The following NALF1 variants were observed in gnomAD, a reference collection of about 807,000 sequenced individuals.
The protein encoded by NALF1 is family with sequence similarity 155 member A.
In NALF1, 3 loss-of-function variants were observed where a neutral mutation model predicts 48.4. That is an observed-to-expected ratio of 0.06 (90% CI 0.03 to 0.16). The LOEUF (loss-of-function observed/expected upper bound fraction) is 0.16. NALF1 is among the 10% of genes least tolerant of loss of function. The probability of loss-of-function intolerance (pLI) is 1.00; values close to 1 mark genes in which losing one functional copy is unlikely to be tolerated. For missense variants in NALF1, 526 were observed against 571.5 expected (o/e 0.92, Z 0.81); for synonymous variants, 262 against 245.7 (o/e 1.07, Z -0.62).
At chr13:107,227,049 C>A (rs1008586181) in intron 1 of NALF1, among the ~76,000 whole-genome samples, 1 of 152,166 alleles carries the variant, frequency 6.6e-6, no homozygotes, top group Admixed American at 6.5e-5. Context: ...TTTCTTTTGA[C>A]AAAACAGAAG....
chr13:107,829,712 G>C (rs1243987279), intron 1 of NALF1, among the ~76,000 whole-genome samples: 1 of 152,108 alleles, frequency 6.6e-6, no homozygotes, highest in Non-Finnish European at 1.5e-5. Context: ...TGAAAATTCT[G>C]CTGCTCCATA....
chr13:107,428,320 T>C (rs1010389857), intron 1 of NALF1, among the ~76,000 whole-genome samples: 12 of 152,182 alleles, frequency 7.9e-5, no homozygotes, highest in South Asian at 2.1e-4. Context: ...GCACTGCTGC[T>C]GTAAACAACT....
At chr13:107,448,797 G>T (rs74813221) in intron 1 of NALF1, among the ~76,000 whole-genome samples, 2,642 of 152,254 alleles carry the variant, frequency 0.017, 32 homozygotes, top group Non-Finnish European at 0.027. Context: ...CGAGTCCCAA[G>T]GACACAGAAT....
At chr13:107,745,759 T>C (rs1357509538) in intron 1 of NALF1, among the ~76,000 whole-genome samples, 1 of 152,170 alleles carries the variant, frequency 6.6e-6, no homozygotes, top group African/African-American at 2.4e-5. Context: ...CCGCATGTTG[T>C]GGAAGGGACC....
At chr13:107,452,218 C>T (rs1029038530) in intron 1 of NALF1, among the ~76,000 whole-genome samples, 1 of 152,124 alleles carries the variant, frequency 6.6e-6, no homozygotes, top group African/African-American at 2.4e-5. Flanking sequence ...AAATGTAAAA[C>T]CCTGGTGATC....
At chr13:107,179,113 G>A (rs2138772417) in intron 2 of NALF1, among the ~76,000 whole-genome samples, 1 of 152,240 alleles carries the variant, frequency 6.6e-6, no homozygotes, top group South Asian at 2.1e-4. Flanking sequence ...AGCAACCTAA[G>A]CATCCATTGA....
At chr13:107,538,685 G>A (rs1156306962) in intron 1 of NALF1, among the ~76,000 whole-genome samples, 1 of 151,946 alleles carries the variant, frequency 6.6e-6, no homozygotes, top group East Asian at 1.9e-4. Flanking sequence ...TCTGTCATTG[G>A]AATCAGACCT....
At chr13:107,607,685 G>A (rs958062952) in intron 1 of NALF1, among the ~76,000 whole-genome samples, 2 of 152,172 alleles carry the variant, frequency 1.3e-5, no homozygotes, top group African/African-American at 2.4e-5. Context: ...ATGCCTCGGA[G>A]TTGAGAACCC....
At chr13:107,723,125 G>A (rs545878016) in intron 1 of NALF1, among the ~76,000 whole-genome samples, 32 of 152,270 alleles carry the variant, frequency 2.1e-4, no homozygotes, top group South Asian at 8.3e-4. Flanking sequence ...TCAGTCAGCG[G>A]ATTGGGCCCC....
intron 1 of NALF1, among the ~76,000 whole-genome samples, chr13:107,509,731 A>G (rs1300266668): frequency 6.6e-6 from 1 of 152,168 alleles, no homozygotes; most frequent in African/African-American, 2.4e-5. Context: ...GTCAGATTAT[A>G]AGGCTTTCAA....
At chr13:107,261,412 TCTC>T (rs939200905) in intron 1 of NALF1, among the ~76,000 whole-genome samples, 3 of 152,064 alleles carry the variant, frequency 2.0e-5, no homozygotes, top group African/African-American at 7.2e-5. Context: ...TGGCCATTCT[TCTC>T]CTCCCCTATC....
intron 1 of NALF1, among the ~76,000 whole-genome samples, chr13:107,295,563 C>T (rs1015599038): frequency 7.9e-5 from 12 of 152,096 alleles, no homozygotes; most frequent in East Asian, 1.9e-4. Flanking sequence ...CTCAGTGAGA[C>T]GACAAGTTCC....
intron 1 of NALF1, among the ~76,000 whole-genome samples, chr13:107,298,365 A>AAAAAAAAAAAAAAAAAAAAAAAAC: frequency 6.7e-6 from 1 of 148,354 alleles, no homozygotes; most frequent in Non-Finnish European, 1.5e-5. Flanking sequence ...AAAAAAAAAA[A>AAAAAAAAAAAAAAAAAAAAAAAAC]AAAAAAAAAA....
chr13:107,303,805 T>C (rs1001247311), intron 1 of NALF1, among the ~76,000 whole-genome samples: 3 of 152,232 alleles, frequency 2.0e-5, no homozygotes, highest in African/African-American at 7.2e-5. Flanking sequence ...AGATACTATC[T>C]TTTAGCAGAC....
intron 1 of NALF1, among the ~76,000 whole-genome samples, chr13:107,469,268 G>A (rs748968433): frequency 6.6e-5 from 10 of 152,158 alleles, no homozygotes; most frequent in Admixed American, 2.0e-4. Context: ...CTTTGAGAGA[G>A]AAATCAAAGA....
At chr13:107,521,888 T>C (rs972883883) in intron 1 of NALF1, among the ~76,000 whole-genome samples, 3 of 150,868 alleles carry the variant, frequency 2.0e-5, no homozygotes, top group Non-Finnish European at 4.4e-5. Context: ...TCTCCTTTTC[T>C]ACCTCTGTTT....
intron 1 of NALF1, among the ~76,000 whole-genome samples, chr13:107,717,236 G>T (rs1875849240): frequency 6.6e-6 from 1 of 152,204 alleles, no homozygotes; most frequent in Non-Finnish European, 1.5e-5. Context: ...AAACATTTCA[G>T]TATTTGAAGC....
chr13:107,367,679 C>T (rs549543559), intron 1 of NALF1, among the ~76,000 whole-genome samples: 26 of 152,246 alleles, frequency 1.7e-4, no homozygotes, highest in African/African-American at 5.1e-4. Context: ...CGGGCAGAAG[C>T]GTACTGATGC....
chr13:107,699,080 C>A (rs561301711), intron 1 of NALF1, among the ~76,000 whole-genome samples: 1 of 152,228 alleles, frequency 6.6e-6, no homozygotes, highest in Admixed American at 6.5e-5. Context: ...GCTTATATCA[C>A]AACAAATATC....
Sources: gnomAD v4.1 joint callset for allele counts (sites outside exome capture counted in the v4.1 genomes callset) on GRCh38, gnomAD v4.1.1 for gene constraint, MANE v1.5 for transcripts, NCBI Gene and HGNC (gene_info 2026-07-23, HGNC 2026-07-21) for gene names.